Variants in BCL11A observed in about 807,000 individuals in gnomAD.
BCL11A encodes the protein B cell CLL/lymphoma 11A.
A neutral mutation model predicts 55.9 loss-of-function variants in BCL11A; 2 were observed. The ratio of observed to expected loss-of-function variants is 0.04; its 90% CI spans 0.01 to 0.11. BCL11A has a LOEUF of 0.11. Among genes scored for constraint, BCL11A ranks in the 10% least tolerant of loss-of-function variants. The probability of loss-of-function intolerance (pLI) is 1.00; values close to 1 mark genes in which losing one functional copy is unlikely to be tolerated. For synonymous variants in BCL11A, 465 were observed against 473.4 expected, an observed-to-expected ratio of 0.98 and a Z score of 0.23; for missense variants, 817 against 1,137.1, an observed-to-expected ratio of 0.72 and a Z score of 4.05.
intron 2 of BCL11A, among the ~76,000 whole-genome samples, chr2:60,503,689 C>G (rs550190830): frequency 6.6e-6 from 1 of 152,264 alleles, no homozygotes; most frequent in Admixed American, 6.5e-5. Context: ...CCCTTGTTCA[C>G]CCTCCTGGAA....
At chr2:60,550,863 G>C (rs1573105361) in intron 1 of BCL11A, 2 of 398,578 alleles carry the variant, frequency 5.0e-6, no homozygotes, top group Admixed American at 4.4e-5. Context: ...CCTTCCCGCC[G>C]GTACCTGGCC....
At position 60,461,686 on chromosome 2, in the gene BCL11A, A is replaced by T; in HGVS notation, c.1226T>A (p.Leu409Gln). Residue 409 changes from leucine to glutamine, a missense_variant, in exon 4 of 4, where the codon CTG becomes CAG. By Grantham distance (113) the Leu-to-Gln change is moderately radical. Coordinates refer to ENST00000642384, the MANE Select transcript of BCL11A (RefSeq NM_022893.4). ...GGCCTGGGTGCACGCGTGGTCGCAC[A>T]GGTTGCACTTGTAGGGCTTCTCGCC... Reference protein sequence around the residue: ...HTGEKPYKCNLCDHACTQASK... With the variant: ...HTGEKPYKCNQCDHACTQASK... The T allele has an allele frequency of 6.2e-7, 1 of 1,614,076 alleles. No individual in the cohort carries two copies. Among genetic ancestry groups the T allele is most frequent in the South Asian group, 1.1e-5 (1 of 91,090 alleles).
chr2:60,543,298 C>T (rs1436944466), intron 2 of BCL11A: 1 of 152,176 alleles, frequency 6.6e-6, no homozygotes, highest in Non-Finnish European at 1.5e-5. Context: ...AAATGACTAC[C>T]TTTTATGTGG....
downstream of BCL11A, chr2:60,451,021 T>C (rs1675703221): frequency 5.7e-6 from 1 of 175,992 alleles, no homozygotes; most frequent in Admixed American, 6.3e-5. Flanking sequence ...CTTTCTCTCT[T>C]ACTGATGTGG....
rs1676213050 is a variant in BCL11A at position 60,460,839 on chromosome 2, G to A, written c.2073C>T (p.Ser691=). The A allele has an allele frequency of 3.1e-6, 5 of 1,612,752 alleles. No homozygotes were observed. Among genetic ancestry groups the A allele is most frequent in the Non-Finnish European group, 4.2e-6 (5 of 1,179,934 alleles). The change falls in exon 4 of 4, where the codon TCC becomes TCT. Residue 691 remains serine, a synonymous_variant. Coordinates refer to ENST00000642384, the MANE Select transcript of BCL11A (RefSeq NM_022893.4). Reference sequence around the variant, plus strand: ...AGAAGCGCAAACTCCCGTTCTCCGAGGAGTGCTCCGACGAGGAGGCAAAAG... The same window carrying A: ...AGAAGCGCAAACTCCCGTTCTCCGAAGAGTGCTCCGACGAGGAGGCAAAAG... The part of the protein sequence containing the change: ...QSPFASSSEH[S]SENGSLRFST...
At chr2:60,514,724 T>G (rs1185232651) in intron 2 of BCL11A, among the ~76,000 whole-genome samples, 8 of 151,360 alleles carry the variant, frequency 5.3e-5, no homozygotes, top group Admixed American at 4.6e-4. Flanking sequence ...AAATCAGAGT[T>G]GTGCAAATAA....
downstream of BCL11A, chr2:60,450,990 C>T (rs1231953914): frequency 1.2e-5 from 2 of 171,986 alleles, no homozygotes; most frequent in Non-Finnish European, 2.5e-5. Context: ...GGACAAGAAA[C>T]CAGAAAACCT....
chr2:60,462,686 T>A (rs912777547), intron 3 of BCL11A, among the ~76,000 whole-genome samples: 3 of 152,234 alleles, frequency 2.0e-5, no homozygotes, highest in Non-Finnish European at 4.4e-5. Flanking sequence ...TGACCAGTTC[T>A]GGCTTGAGGA....
chr2:60,498,548 G>C (rs1455615586), intron 2 of BCL11A, among the ~76,000 whole-genome samples: 3 of 152,200 alleles, frequency 2.0e-5, no homozygotes, highest in Non-Finnish European at 4.4e-5. Context: ...CCTAGAATTG[G>C]CCTGGGACAT....
intron 2 of BCL11A, chr2:60,525,267 A>G (rs1669154830): frequency 6.6e-6 from 1 of 152,254 alleles, no homozygotes; most frequent in South Asian, 2.1e-4. Flanking sequence ...CAAAAAAGCA[A>G]ACTTGGAGAA....
intron 3 of BCL11A, among the ~76,000 whole-genome samples, chr2:60,463,835 T>C (rs1173197699): frequency 2.0e-5 from 3 of 150,340 alleles, no homozygotes; most frequent in African/African-American, 7.4e-5. Flanking sequence ...AACTGAGAAA[T>C]AACAAACTTT....
intron 2 of BCL11A, chr2:60,484,500 A>G (rs928755866): frequency 5.3e-5 from 8 of 152,224 alleles, no homozygotes; most frequent in African/African-American, 1.9e-4. Flanking sequence ...GGTTTTACAG[A>G]TAAACCGGGT....
chr2:60,519,073 TA>T (rs773216399), intron 2 of BCL11A, among the ~76,000 whole-genome samples: 1 of 152,206 alleles, frequency 6.6e-6, no homozygotes, highest in Non-Finnish European at 1.5e-5. Flanking sequence ...TCAATCCTGA[TA>T]CCAGCAGGAA....
At chr2:60,539,047 C>A (rs1367741276) in intron 2 of BCL11A, among the ~76,000 whole-genome samples, 1 of 152,076 alleles carries the variant, frequency 6.6e-6, no homozygotes, top group Non-Finnish European at 1.5e-5. Context: ...GTTTTCATTT[C>A]GCTATAGATC....
chr2:60,507,207 A>AAAGGAAGG lies in BCL11A; in HGVS notation c.386-38382_386-38375dup, dbSNP rs745626068. ...CAGAATGCAAAGCAAGACAAGGAAGAAAGGAAGGAAGGAAGGAAGGAAGGA... is the reference window on the plus strand; with the variant it reads ...CAGAATGCAAAGCAAGACAAGGAAGAAAGGAAGGAAGGAAGGAAGGAAGGAAGGAAGGA... On this transcript the variant is annotated intron_variant, in intron 2 of 3. Coordinates refer to ENST00000642384, the MANE Select transcript of BCL11A (RefSeq NM_022893.4). 2.3e-3 allele frequency among the ~76,000 whole-genome samples: 203 copies of AAAGGAAGG among 89,498 alleles called. 5 individuals are homozygous for AAAGGAAGG. Among genetic ancestry groups the AAAGGAAGG allele is most frequent in the Non-Finnish European group, 3.1e-3 (148 of 48,064 alleles). 58.7% of individuals were successfully genotyped at this position (89,498 alleles called of 152,430 possible). A position where few individuals can be genotyped will look rare whatever the true frequency, so the allele number is the denominator to read the frequency against.
At chr2:60,467,747 ATGG>A (rs1285006830) in intron 3 of BCL11A, among the ~76,000 whole-genome samples, 1 of 48,908 alleles carries the variant, frequency 2.0e-5, no homozygotes, top group East Asian at 1.0e-3. Context: ...GGTGGTAGTG[ATGG>A]TGGTGGTAAT....
At chr2:60,516,873 A>G (rs1008547870) in intron 2 of BCL11A, among the ~76,000 whole-genome samples, 7 of 152,252 alleles carry the variant, frequency 4.6e-5, no homozygotes, top group Admixed American at 1.3e-4. Flanking sequence ...ATGTTTGAGT[A>G]AAAGAGCTGG....
intron 2 of BCL11A, chr2:60,543,800 G>A (rs566310193): frequency 3.9e-5 from 6 of 152,268 alleles, no homozygotes; most frequent in East Asian, 1.9e-4. Flanking sequence ...CTTGTTGTGC[G>A]CCCATTGAAT....
At position 60,469,836 on chromosome 2, in the gene BCL11A, T is replaced by C. The variant is rs562098660; in HGVS notation, c.386-1003A>G. ...GTCCATCTTGAGACAGACTGGAGGA[T>C]AGATGGTGCAGGAGACGCTCTGTGT... On this transcript the variant is annotated intron_variant, in intron 2 of 3. Coordinates refer to ENST00000642384, the MANE Select transcript of BCL11A (RefSeq NM_022893.4). Among the ~76,000 whole-genome samples, 15 of 152,230 alleles carry C rather than the reference T, an allele frequency of 9.9e-5. No individual in the cohort carries two copies. The South Asian group carries it at 1.2e-3, about 13-fold the overall frequency.
Sources: allele counts gnomAD v4.1 joint callset (sites outside exome capture counted in the v4.1 genomes callset), GRCh38; gene constraint gnomAD v4.1.1; transcripts MANE v1.5; gene names NCBI Gene and HGNC (gene_info 2026-07-23, HGNC 2026-07-21).